Variants in STK10 observed in about 807,000 individuals in gnomAD.
The protein encoded by STK10 is serine/threonine-protein kinase 10.
Under a neutral mutation model 113.8 loss-of-function variants are expected in STK10, and 78 were observed. That is an observed-to-expected ratio of 0.69 (90% CI 0.57 to 0.83). The LOEUF is 0.83. STK10 is among the 40% of genes least tolerant of loss of function. STK10 has a pLI of 0.00. For missense variants in STK10, 1,109 were observed against 1,280.1 expected (o/e 0.87, Z 2.04); for synonymous variants, 465 against 494.7 (o/e 0.94, Z 0.80).
chr5:172,088,703 A>G (rs1201538291), intron 10 of STK10, among the ~76,000 whole-genome samples: 2 of 152,080 alleles, frequency 1.3e-5, no homozygotes, highest in African/African-American at 4.8e-5. Context: ...AACCCCTGCC[A>G]GCTACATGGT....
At chr5:172,174,025 G>A (rs572096680) in intron 1 of STK10, among the ~76,000 whole-genome samples, 15 of 152,208 alleles carry the variant, frequency 9.9e-5, no homozygotes, top group African/African-American at 3.1e-4. Flanking sequence ...TGATTCCAGC[G>A]CCACATCATA....
intron 1 of STK10, 133 bp from the exon 2 acceptor site, chr5:172,156,921 G>T: frequency 3.0e-6 from 3 of 995,520 alleles, no homozygotes; most frequent in Non-Finnish European, 4.4e-6. Context: ...AACGTACATT[G>T]TTCTTAACAA....
chr5:172,142,280 C>A (rs1000033992), intron 2 of STK10, among the ~76,000 whole-genome samples: 6 of 152,168 alleles, frequency 3.9e-5, no homozygotes, highest in African/African-American at 1.4e-4. Flanking sequence ...CTCAATATTG[C>A]TTAGGACTGA....
At chr5:172,084,191 C>T (rs994306481) in intron 10 of STK10, among the ~76,000 whole-genome samples, 2 of 152,026 alleles carry the variant, frequency 1.3e-5, no homozygotes, top group Admixed American at 6.6e-5. Flanking sequence ...CACCTGAGGT[C>T]GGGGGTTCAA....
chr5:172,182,441 C>A (rs1481860941), intron 1 of STK10, among the ~76,000 whole-genome samples: 1 of 151,636 alleles, frequency 6.6e-6, no homozygotes, highest in African/African-American at 2.4e-5. Context: ...AGTGCAGAGG[C>A]GTGGGTGCAG....
chr5:172,147,039 C>T (rs368442711), intron 2 of STK10, among the ~76,000 whole-genome samples: 48 of 152,204 alleles, frequency 3.2e-4, no homozygotes, highest in African/African-American at 1.1e-3. Context: ...GGGGTTCCCA[C>T]GAACCCTGCT....
intron 18 of STK10, 76 bp from the exon 19 acceptor site, chr5:172,045,098 C>T (rs1767470217): frequency 1.9e-6 from 3 of 1,577,216 alleles, no homozygotes; most frequent in Non-Finnish European, 1.7e-6. Flanking sequence ...ACAGGACCCC[C>T]ACTGACATGG....
At chr5:172,174,197 G>A (rs950146491) in intron 1 of STK10, among the ~76,000 whole-genome samples, 4 of 151,890 alleles carry the variant, frequency 2.6e-5, no homozygotes, top group Non-Finnish European at 5.9e-5. Context: ...TTGAGACGGC[G>A]TTTCACTCTT....
Position 172,096,428 on chromosome 5 carries a change from A to G in STK10, c.1003T>C (p.Ser335Pro), listed in dbSNP as rs1448200781. The change falls in exon 8 of 19, where the codon TCC (serine) becomes CCC (proline). Residue 335 changes from serine to proline, a missense_variant and splice_region_variant. This residue lies in a region of STK10 where 885 missense variants were observed against 991.1 expected (regional missense o/e 0.89). Coordinates refer to ENST00000176763, the MANE Select transcript of STK10 (RefSeq NM_005990.4). Reference sequence around the variant, plus strand: ...AGCCCCACTCTCCCTGGCCTTACGGAGGCGGCATCCACGGCGTCCTCCTCT... The same window carrying G: ...AGCCCCACTCTCCCTGGCCTTACGGGGGCGGCATCCACGGCGTCCTCCTCT... The part of the protein sequence containing the change: ...GEEEDAVDAA[S>P]TLENHTQNSS... 6.2e-7 allele frequency: 1 copy of G among 1,611,858 alleles called. No individual in the cohort carries two copies. The highest frequency in any genetic ancestry group is 8.5e-7 in the Non-Finnish European group (1 of 1,179,914).
chr5:172,106,962 T>C (rs1769128245), intron 5 of STK10, 148 bp from the exon 6 acceptor site: 2 of 741,124 alleles, frequency 2.7e-6, no homozygotes, highest in Non-Finnish European at 4.2e-6. Context: ...TCCCACTGTC[T>C]TCCTTAGGAC....
intron 2 of STK10, among the ~76,000 whole-genome samples, chr5:172,147,909 T>C (rs1382188898): frequency 6.6e-6 from 1 of 152,226 alleles, no homozygotes; most frequent in Non-Finnish European, 1.5e-5. Flanking sequence ...ATGGGAGTTA[T>C]GAGCCAGGAA....
intron 3 of STK10, among the ~76,000 whole-genome samples, chr5:172,119,851 G>A (rs576626065): frequency 1.2e-4 from 17 of 147,778 alleles, no homozygotes; most frequent in African/African-American, 4.1e-4. Flanking sequence ...GCGACAGAGC[G>A]AGACTCCATC....
intron 1 of STK10, among the ~76,000 whole-genome samples, chr5:172,160,201 C>T (rs887929518): frequency 2.6e-5 from 4 of 151,578 alleles, no homozygotes; most frequent in African/African-American, 7.3e-5. Flanking sequence ...TAGCCAGGTG[C>T]GGTGGTTCAT....
chr5:172,149,221 A>G lies in STK10; in HGVS notation c.321+7403T>C, dbSNP rs543034387. Among the ~76,000 whole-genome samples, 8 of 152,312 alleles carry G rather than the reference A, an allele frequency of 5.3e-5. No individual in the cohort carries two copies. In the East Asian group the frequency reaches 1.4e-3, roughly 26 times the overall value. ...GAGGATTTGGTGAGATAGTCAGGAAACAGCCCACCCGGCACAGGCCTAGCA... is the reference window on the plus strand; with the variant it reads ...GAGGATTTGGTGAGATAGTCAGGAAGCAGCCCACCCGGCACAGGCCTAGCA... On this transcript the variant is annotated intron_variant, in intron 2 of 18. Transcript: ENST00000176763.
At position 172,133,783 on chromosome 5, in the gene STK10, A is replaced by G. The variant is rs1422299467; in HGVS notation, c.322-6362T>C. Among the ~76,000 whole-genome samples, 1 of 152,208 alleles carries G rather than the reference A, an allele frequency of 6.6e-6. No homozygotes were observed. Among genetic ancestry groups the G allele is most frequent in the African/African-American group, 2.4e-5 (1 of 41,460 alleles). On this transcript the variant is annotated intron_variant, in intron 2 of 18. Coordinates refer to ENST00000176763, the MANE Select transcript of STK10 (RefSeq NM_005990.4). The surrounding 1 kb of genome is among the most constrained non-coding windows in gnomAD (Gnocchi z 4.9). The stretch of plus-strand genomic sequence containing the variant: ...AAACGAATTAATTTCTGCGCTGTTT[A>G]GTAGGTTAGTTTAAGGTTTGCTGTC...
chr5:172,110,487 A>T (rs560042989), intron 4 of STK10, among the ~76,000 whole-genome samples: 1 of 152,284 alleles, frequency 6.6e-6, no homozygotes, highest in Admixed American at 6.5e-5. Context: ...CAGGGCTGAG[A>T]AGGCAGGGAG....
intron 4 of STK10, among the ~76,000 whole-genome samples, chr5:172,108,475 G>T (rs1469277373): frequency 6.6e-6 from 1 of 152,090 alleles, no homozygotes; most frequent in Non-Finnish European, 1.5e-5. Context: ...AATTAGCCAG[G>T]TGTGGTGGTG....
chr5:172,054,622 G>A lies in STK10; in HGVS notation c.2599C>T (p.Arg867Trp), dbSNP rs767149330. The A allele has an allele frequency of 2.3e-5, 37 of 1,610,560 alleles. 1 individual carries two copies. The East Asian group carries it at 5.8e-4, about 25-fold the overall frequency. The change falls in exon 17 of 19, where the codon CGG becomes TGG. Residue 867 changes from arginine (R) to tryptophan (W), a missense_variant. This residue lies in a region of STK10 where 885 missense variants were observed against 991.1 expected (regional missense o/e 0.89). Transcript: ENST00000176763. Reference protein sequence around the residue: ...QQQQKHENQMRDMLAQCESNM... With the variant: ...QQQQKHENQMWDMLAQCESNM... ...CTCTCACACTGCGCCAGCATGTCCCGCATCTGGTTCTCGTGTTTCTGCTGT... is the reference window on the plus strand; with the variant it reads ...CTCTCACACTGCGCCAGCATGTCCCACATCTGGTTCTCGTGTTTCTGCTGT...
In STK10 at chr5:172,082,852, T is replaced by G; in HGVS notation, c.1809+109A>C. On this transcript the variant is annotated intron_variant, in intron 11 of 18. Transcript: ENST00000176763. This position sits in a 1 kb window ranked among gnomAD's most constrained non-coding sequence, Gnocchi z 4.3. ...CGGGAAGCCCCCAGGAATTGGGCAA[T>G]TGTTGTGAATTACTCTCCACTACCC... 6.7e-7 allele frequency: 1 copy of G among 1,502,220 alleles called. No individual in the cohort carries two copies. The highest frequency in any genetic ancestry group is 8.9e-7 in the Non-Finnish European group (1 of 1,119,330). The allele number at this position is 1,502,220 out of a possible 1,614,324, so 93.1% of individuals were successfully genotyped here.
Sources: allele counts gnomAD v4.1 joint callset (sites outside exome capture counted in the v4.1 genomes callset), GRCh38; gene constraint gnomAD v4.1.1; regional missense constraint gnomAD v4.1.1; non-coding constraint Gnocchi (gnomAD v3.1); transcripts MANE v1.5; gene names NCBI Gene and HGNC (gene_info 2026-07-23, HGNC 2026-07-21).